ASAP2: variants seen among roughly 807,000 people sequenced by gnomAD.
ASAP2 encodes arf-GAP with SH3 domain, ANK repeat and PH domain-containing protein 2.
In ASAP2, 45 loss-of-function variants were observed where a neutral mutation model predicts 131.4. The ratio of observed to expected loss-of-function variants is 0.34; its 90% CI spans 0.27 to 0.44. The LOEUF is 0.44. ASAP2 is among the 20% of genes least tolerant of loss of function. The probability of loss-of-function intolerance (pLI) is 1.00; values close to 1 mark genes in which losing one functional copy is unlikely to be tolerated. For synonymous variants in ASAP2, 510 were observed against 503.0 expected (o/e 1.01, Z -0.19); for missense variants, 1,011 against 1,297.0 (o/e 0.78, Z 3.39).
intron 18 of ASAP2, among the ~76,000 whole-genome samples, chr2:9,377,531 T>A (rs913399609): frequency 1.3e-5 from 2 of 152,050 alleles, no homozygotes; most frequent in African/African-American, 4.8e-5. Flanking sequence ...GATCTGGGAG[T>A]CCCCGTGGTT....
chr2:9,266,181 C>A lies in ASAP2; in HGVS notation c.127-13136C>A, dbSNP rs568615844. Among the ~76,000 whole-genome samples the A allele has an allele frequency of 2.8e-5, 4 of 144,926 alleles. No individual in the cohort carries two copies. The East Asian group carries it at 5.9e-4, about 21-fold the overall frequency. On this transcript the variant is annotated intron_variant, in intron 1 of 27. Coordinates refer to ENST00000281419, the MANE Select transcript of ASAP2 (RefSeq NM_003887.3). Reference sequence around the variant, plus strand: ...TTTTTTTTGGACACAGGATCTCACTCTGTTGCCCAGGCTAGAGTTCAGTGG... The same window carrying A: ...TTTTTTTTGGACACAGGATCTCACTATGTTGCCCAGGCTAGAGTTCAGTGG...
At chr2:9,298,308 AC>A (rs1668276092) in intron 3 of ASAP2, among the ~76,000 whole-genome samples, 1 of 152,220 alleles carries the variant, frequency 6.6e-6, no homozygotes, top group African/African-American at 2.4e-5. Context: ...GATGGTGATG[AC>A]AGTGGTTTTG....
At chr2:9,299,060 G>A (rs1400304935) in intron 3 of ASAP2, among the ~76,000 whole-genome samples, 2 of 152,152 alleles carry the variant, frequency 1.3e-5, no homozygotes, top group South Asian at 2.1e-4. Context: ...GATAAAAGAC[G>A]AGGATTAATT....
intron 21 of ASAP2, among the ~76,000 whole-genome samples, chr2:9,387,093 A>G (rs1442165558): frequency 6.6e-6 from 1 of 150,408 alleles, no homozygotes; most frequent in South Asian, 2.1e-4. Flanking sequence ...GGGCGCCTGT[A>G]GTCCCAGCTA....
At chr2:9,272,700 T>C (rs1238854191) in intron 1 of ASAP2, among the ~76,000 whole-genome samples, 1 of 152,222 alleles carries the variant, frequency 6.6e-6, no homozygotes, top group East Asian at 1.9e-4. Context: ...TAGATTTAAG[T>C]CTTTAATCCA....
At chr2:9,267,211 G>A (rs1442213485) in intron 1 of ASAP2, among the ~76,000 whole-genome samples, 1 of 152,080 alleles carries the variant, frequency 6.6e-6, no homozygotes, top group African/African-American at 2.4e-5. Flanking sequence ...TATATTGCAT[G>A]ATGCTGAGTT....
intron 2 of ASAP2, among the ~76,000 whole-genome samples, chr2:9,288,037 G>C (rs1214416992): frequency 6.6e-6 from 1 of 152,188 alleles, no homozygotes; most frequent in Non-Finnish European, 1.5e-5. Context: ...TGGGGCTGCA[G>C]TTTCATCAGT....
intron 1 of ASAP2, among the ~76,000 whole-genome samples, chr2:9,251,215 G>A (rs757697381): frequency 1.3e-5 from 2 of 152,206 alleles, no homozygotes; most frequent in East Asian, 1.9e-4. Context: ...AGTTTAGTCC[G>A]CAAGTAGAGG....
At chr2:9,259,356 G>A (rs532968996) in intron 1 of ASAP2, among the ~76,000 whole-genome samples, 17 of 152,230 alleles carry the variant, frequency 1.1e-4, no homozygotes, top group African/African-American at 2.2e-4. Flanking sequence ...TCCCTTCTGC[G>A]CCATCCTGCA....
At chr2:9,219,093 C>A (rs776385532) in intron 1 of ASAP2, among the ~76,000 whole-genome samples, 4 of 152,180 alleles carry the variant, frequency 2.6e-5, no homozygotes, top group Non-Finnish European at 4.4e-5. Flanking sequence ...CTTTGTTGTG[C>A]TTTGCTTCTC....
intron 9 of ASAP2, among the ~76,000 whole-genome samples, chr2:9,341,525 G>A (rs115328114): frequency 0.016 from 2,396 of 152,204 alleles, 63 homozygotes; most frequent in African/African-American, 0.055. Context: ...CCTGAAAATC[G>A]CTCTGATTAA....
intron 2 of ASAP2, among the ~76,000 whole-genome samples, chr2:9,294,740 G>A (rs1389404209): frequency 1.3e-5 from 2 of 152,192 alleles, no homozygotes; most frequent in Non-Finnish European, 2.9e-5. Flanking sequence ...ACACCACGAG[G>A]CTGCATAGAG....
At chr2:9,238,079 C>G (rs116636618) in intron 1 of ASAP2, among the ~76,000 whole-genome samples, 107 of 151,968 alleles carry the variant, frequency 7.0e-4, no homozygotes, top group African/African-American at 2.5e-3. Context: ...ATGGCTCTGG[C>G]CTCCGACTGC....
At chr2:9,276,841 C>G (rs945219991) in intron 1 of ASAP2, among the ~76,000 whole-genome samples, 1 of 152,104 alleles carries the variant, frequency 6.6e-6, no homozygotes, top group African/African-American at 2.4e-5. Context: ...CGCATGGTCT[C>G]TTTCTTCTTT....
rs568576739 is a variant in ASAP2 at position 9,317,490 on chromosome 2, T to C, written c.346-1034T>C. 2.4e-3 allele frequency among the ~76,000 whole-genome samples: 338 copies of C among 138,744 alleles called. 2 individuals are homozygous for C. Among genetic ancestry groups the C allele is most frequent in the African/African-American group, 8.9e-3 (326 of 36,652 alleles). The allele number at this position is 138,744 out of a possible 152,430, so 91.0% of individuals were successfully genotyped here. A position where few individuals can be genotyped will look rare whatever the true frequency, so the allele number is the denominator to read the frequency against. ...CCTTATACTCAGTCACTTACACCCT[T>C]ACACACCCACTTACACCCCCACAAT... is the stretch of plus-strand genomic sequence containing the variant. On this transcript the variant is annotated intron_variant, in intron 3 of 27. Coordinates refer to ENST00000281419, the MANE Select transcript of ASAP2 (RefSeq NM_003887.3).
Position 9,207,841 on chromosome 2 carries a change from A to C in ASAP2, c.126+611A>C, listed in dbSNP as rs1661236346. ...CTTCTGGGTCCAAGAAGCCTCCAGG[A>C]GCCGCTCCCCGGTTACCTGGGTCTC... On this transcript the variant is annotated intron_variant, in intron 1 of 27. Transcript: ENST00000281419. This position sits in a 1 kb window ranked among gnomAD's most constrained non-coding sequence, Gnocchi z 4.1. 6.6e-6 allele frequency among the ~76,000 whole-genome samples: 1 copy of C among 151,984 alleles called. No individual in the cohort carries two copies. The highest frequency in any genetic ancestry group is 6.6e-5 in the Admixed American group (1 of 15,264).
At chr2:9,359,082 C>G (rs1307911770) in intron 15 of ASAP2, among the ~76,000 whole-genome samples, 193 bp downstream of exon 15, 2 of 152,286 alleles carry the variant, frequency 1.3e-5, no homozygotes, top group East Asian at 3.9e-4. Context: ...TGTTGCAAAA[C>G]TTTATTCTTA....
At chr2:9,352,609 C>T (rs1466890550) in intron 12 of ASAP2, among the ~76,000 whole-genome samples, 2 of 152,206 alleles carry the variant, frequency 1.3e-5, no homozygotes, top group Non-Finnish European at 1.5e-5. Context: ...ACACAGCAGG[C>T]AGCAGGGAGG....
intron 9 of ASAP2, among the ~76,000 whole-genome samples, chr2:9,337,275 C>G (rs2148574098): frequency 6.6e-6 from 1 of 152,310 alleles, no homozygotes; most frequent in Non-Finnish European, 1.5e-5. Context: ...CTCTGCGTTG[C>G]TTTTAGGTGA....
Sources: gnomAD v4.1 joint callset for allele counts (sites outside exome capture counted in the v4.1 genomes callset) on GRCh38, gnomAD v4.1.1 for gene constraint, Gnocchi (gnomAD v3.1) non-coding constraint, MANE v1.5 for transcripts, NCBI Gene and HGNC (gene_info 2026-07-23, HGNC 2026-07-21) for gene names.